Variants in MAML3 observed in about 807,000 individuals in gnomAD.
MAML3 encodes the protein mastermind-like protein 3.
MAML3 carries 27 observed loss-of-function variants against 101.9 expected under a neutral mutation model. That is an observed-to-expected ratio of 0.27 (90% CI 0.20 to 0.37). The LOEUF (loss-of-function observed/expected upper bound fraction) is 0.37, where lower values mean the gene tolerates loss of function less well. Among genes scored for constraint, MAML3 ranks in the 10% least tolerant of loss-of-function variants. The pLI, the probability that MAML3 is intolerant of heterozygous loss-of-function variation, is 1.00. For missense variants in MAML3, 1,316 were observed against 1,444.9 expected, an observed-to-expected ratio of 0.91 and a Z score of 1.45; for synonymous variants, 501 against 555.9, an observed-to-expected ratio of 0.90 and a Z score of 1.39.
At chr4:140,016,596 A>G (rs1386314890) in intron 1 of MAML3, among the ~76,000 whole-genome samples, 1 of 152,228 alleles carries the variant, frequency 6.6e-6, no homozygotes. Flanking sequence ...CACTAGATCA[A>G]TGAAACAGAA....
chr4:139,808,217 C>A (rs1187879860), intron 2 of MAML3, among the ~76,000 whole-genome samples: 1 of 152,266 alleles, frequency 6.6e-6, no homozygotes, highest in East Asian at 1.9e-4. Context: ...ATTCATCCAT[C>A]TATCCATTCA....
At chr4:139,940,529 T>A (rs1733581348) in intron 1 of MAML3, among the ~76,000 whole-genome samples, 1 of 152,228 alleles carries the variant, frequency 6.6e-6, no homozygotes, top group Non-Finnish European at 1.5e-5. Flanking sequence ...GAAAGTCAGC[T>A]GGCACAGAGA....
At chr4:139,910,708 T>C (rs768197706) in intron 1 of MAML3, among the ~76,000 whole-genome samples, 4 of 152,064 alleles carry the variant, frequency 2.6e-5, no homozygotes, top group Non-Finnish European at 5.9e-5. Flanking sequence ...AGGTTGTATG[T>C]CATGAGGTGA....
chr4:139,831,596 T>C (rs1021395230), intron 2 of MAML3, among the ~76,000 whole-genome samples: 10 of 152,154 alleles, frequency 6.6e-5, no homozygotes, highest in African/African-American at 2.4e-4. Flanking sequence ...CAGAAGAGTA[T>C]TTCTCACCTG....
intron 1 of MAML3, among the ~76,000 whole-genome samples, chr4:139,893,763 A>T (rs1379262656): frequency 1.3e-5 from 2 of 152,098 alleles, no homozygotes; most frequent in East Asian, 1.9e-4. Flanking sequence ...TGCTAACTCT[A>T]TGGATTTATC....
chr4:139,991,231 C>A (rs556380838), intron 1 of MAML3, among the ~76,000 whole-genome samples: 1 of 152,078 alleles, frequency 6.6e-6, no homozygotes, highest in Non-Finnish European at 1.5e-5. Context: ...AGAACAGAGC[C>A]CTCAGAAATA....
At chr4:139,750,937 G>A (rs1409000616) in intron 2 of MAML3, among the ~76,000 whole-genome samples, 2 of 152,130 alleles carry the variant, frequency 1.3e-5, no homozygotes, top group Non-Finnish European at 2.9e-5. Flanking sequence ...ATCTTTTATG[G>A]GTAGTGGGAG....
chr4:139,995,939 CA>C (rs1734800013), intron 1 of MAML3, among the ~76,000 whole-genome samples: 1 of 151,952 alleles, frequency 6.6e-6, no homozygotes, highest in East Asian at 1.9e-4. Flanking sequence ...TATAAATTTC[CA>C]TCTAAGCACT....
chr4:139,952,081 C>G (rs564778559), intron 1 of MAML3, among the ~76,000 whole-genome samples: 2 of 152,136 alleles, frequency 1.3e-5, no homozygotes, highest in African/African-American at 4.8e-5. Context: ...AGGAGAATCG[C>G]TTGAACCCAG....
chr4:139,952,068 G>T (rs1430045384), intron 1 of MAML3, among the ~76,000 whole-genome samples: 1 of 152,120 alleles, frequency 6.6e-6, no homozygotes, highest in African/African-American at 2.4e-5. Flanking sequence ...CAGAGGCTGA[G>T]GCAGGAGAAT....
chr4:140,128,053 C>T (rs1233449928), intron 1 of MAML3: 1 of 152,284 alleles, frequency 6.6e-6, no homozygotes, highest in Non-Finnish European at 1.5e-5. Context: ...TCATGGAGAG[C>T]TAAGTGACAG....
At chr4:139,794,990 A>T (rs1261727104) in intron 2 of MAML3, among the ~76,000 whole-genome samples, 2 of 152,200 alleles carry the variant, frequency 1.3e-5, no homozygotes, top group Non-Finnish European at 2.9e-5. Flanking sequence ...GTGCCTTACC[A>T]ATATAGTTAT....
chr4:140,148,655 C>T (rs1729104439), intron 1 of MAML3, among the ~76,000 whole-genome samples: 1 of 152,132 alleles, frequency 6.6e-6, no homozygotes, highest in Admixed American at 6.5e-5. Context: ...CAGTAATTTA[C>T]CTTCAACAGG....
rs1172407594 is a variant in MAML3 at position 139,719,646 on chromosome 4, G to A, written c.3094C>T (p.Pro1032Ser). The A allele has an allele frequency of 1.2e-6, 2 of 1,612,630 alleles. No individual in the cohort carries two copies. The highest frequency in any genetic ancestry group is 1.7e-6 in the Non-Finnish European group (2 of 1,179,450). The change falls in exon 5 of 5, where the codon CCA becomes TCA. Residue 1032 changes from proline to serine, a missense_variant. Coordinates refer to ENST00000509479, the MANE Select transcript of MAML3 (RefSeq NM_018717.5). Reference protein sequence around the residue: ...NPAAMGRQMMPSLPGQQGTSQ... With the variant: ...NPAAMGRQMMSSLPGQQGTSQ... ...GTGCCTTGCTGCCCCGGGAGCGATGGCATCATCTGCCGACCCATGGCAGCT... is the reference window on the plus strand; with the variant it reads ...GTGCCTTGCTGCCCCGGGAGCGATGACATCATCTGCCGACCCATGGCAGCT...
intron 1 of MAML3, among the ~76,000 whole-genome samples, chr4:139,902,263 G>GCGCACA (rs1182551411): frequency 0.01 from 666 of 63,932 alleles, 4 homozygotes; most frequent in African/African-American, 0.019. Context: ...GCACACACAC[G>GCGCACA]CACACACACA....
At chr4:139,863,321 A>G (rs1731821787) in intron 2 of MAML3, among the ~76,000 whole-genome samples, 2 of 147,246 alleles carry the variant, frequency 1.4e-5, no homozygotes, top group Non-Finnish European at 3.0e-5. Flanking sequence ...TTTCTGGCAC[A>G]TTACACACTT....
At chr4:139,993,351 CAA>C (rs36164698) in intron 1 of MAML3, among the ~76,000 whole-genome samples, 521 of 127,332 alleles carry the variant, frequency 4.1e-3, no homozygotes, top group East Asian at 5.6e-3. Context: ...GACTCCATCT[CAA>C]AAAAAAAAAA....
rs185114605 is a variant in MAML3 at position 139,734,663 on chromosome 4, C to T, written c.2080-3996G>A. 2.5e-3 allele frequency among the ~76,000 whole-genome samples: 386 copies of T among 152,334 alleles called. 1 individual carries two copies. The highest frequency in any genetic ancestry group is 4.2e-3 in the Admixed American group (64 of 15,310). On this transcript the variant is annotated intron_variant, in intron 2 of 4. Coordinates refer to ENST00000509479, the MANE Select transcript of MAML3 (RefSeq NM_018717.5). Reference sequence around the variant, plus strand: ...TTACCTCCCCCAAACAGGCAGTTTTCGACTTCAAAAAACAGTTGTGGTAAA... The same window carrying T: ...TTACCTCCCCCAAACAGGCAGTTTTTGACTTCAAAAAACAGTTGTGGTAAA...
At chr4:139,845,403 G>C (rs1481270794) in intron 2 of MAML3, among the ~76,000 whole-genome samples, 2 of 152,170 alleles carry the variant, frequency 1.3e-5, no homozygotes, top group African/African-American at 2.4e-5. Context: ...GGTCAAACTG[G>C]CAGAGACACA....
Sources: allele counts gnomAD v4.1 joint callset (sites outside exome capture counted in the v4.1 genomes callset), GRCh38; gene constraint gnomAD v4.1.1; transcripts MANE v1.5; gene names NCBI Gene and HGNC (gene_info 2026-07-23, HGNC 2026-07-21).